ANO10: variants seen among roughly 807,000 people sequenced by gnomAD.
The protein encoded by ANO10 is anoctamin-10.
ANO10 carries 77 observed loss-of-function variants against 74.7 expected under a neutral mutation model. The ratio of observed to expected loss-of-function variants is 1.03; its 90% confidence interval spans 0.86 to 1.25. The LOEUF (loss-of-function observed/expected upper bound fraction) is 1.25. ANO10 is among the 50% of genes most tolerant of loss of function. ANO10 has a pLI of 0.00. For missense variants in ANO10, 721 were observed against 778.1 expected (o/e 0.93, Z 0.87); for synonymous variants, 279 against 284.9 (o/e 0.98, Z 0.21).
At chr3:43,589,934 T>C (rs1336650548) in intron 4 of ANO10, among the ~76,000 whole-genome samples, 2 of 152,338 alleles carry the variant, frequency 1.3e-5, no homozygotes, top group African/African-American at 4.8e-5. Flanking sequence ...CCCATTTGTC[T>C]GAACATGTCT....
At chr3:43,462,942 T>C (rs1376447659) in intron 11 of ANO10, among the ~76,000 whole-genome samples, 2 of 152,200 alleles carry the variant, frequency 1.3e-5, no homozygotes. Context: ...GTTGAGGCTG[T>C]GAGCACACAG....
At chr3:43,559,253 T>A (rs752882293) in intron 9 of ANO10, among the ~76,000 whole-genome samples, 1 of 152,122 alleles carries the variant, frequency 6.6e-6, no homozygotes, top group Non-Finnish European at 1.5e-5. Flanking sequence ...TAAATTAGAA[T>A]TGCTCAGATG....
At chr3:43,691,354 A>T in intron 1 of ANO10, 1 of 221,258 alleles carries the variant, frequency 4.5e-6, no homozygotes, top group Non-Finnish European at 8.8e-6. Context: ...CCGGCGACGG[A>T]GCTGGCCGCG....
At position 43,368,134 on chromosome 3, in the gene ANO10, G is replaced by A. The variant is rs551415163; in HGVS notation, c.1915-1160C>T. ...GAGCCTGGCCTGTCTCCCACAGGGCGGCTCATGATGGCTCCTGGAAGCTGA... is the reference window on the plus strand; with the variant it reads ...GAGCCTGGCCTGTCTCCCACAGGGCAGCTCATGATGGCTCCTGGAAGCTGA... On this transcript the variant is annotated intron_variant, in intron 12 of 12. Transcript: ENST00000292246. 1.6e-4 allele frequency among the ~76,000 whole-genome samples: 24 copies of A among 152,286 alleles called. No homozygotes were observed. In the East Asian group the frequency reaches 2.1e-3, roughly 13 times the overall value.
chr3:43,507,682 T>C (rs1175483801), intron 11 of ANO10, among the ~76,000 whole-genome samples: 1 of 152,000 alleles, frequency 6.6e-6, no homozygotes, highest in Non-Finnish European at 1.5e-5. Flanking sequence ...TAAATCCTGA[T>C]GGATGAGGGT....
intron 5 of ANO10, among the ~76,000 whole-genome samples, chr3:43,578,493 T>C (rs1271648486): frequency 2.0e-5 from 3 of 152,106 alleles, no homozygotes; most frequent in African/African-American, 7.2e-5. Flanking sequence ...CTCACACCTA[T>C]AATCCCAGCA....
chr3:43,615,487 CT>C (rs1337894444), intron 1 of ANO10, among the ~76,000 whole-genome samples: 1 of 151,828 alleles, frequency 6.6e-6, no homozygotes, highest in East Asian at 1.9e-4. Context: ...TTATTATTTA[CT>C]TTTTTTAATT....
At chr3:43,470,148 T>A (rs1308838396) in intron 11 of ANO10, among the ~76,000 whole-genome samples, 5 of 152,208 alleles carry the variant, frequency 3.3e-5, no homozygotes, top group Admixed American at 3.3e-4. Context: ...TATTACTCAG[T>A]GGTAAGAAGA....
intron 1 of ANO10, among the ~76,000 whole-genome samples, chr3:43,650,752 G>A (rs776224601): frequency 3.3e-5 from 5 of 152,140 alleles, no homozygotes; most frequent in Non-Finnish European, 7.3e-5. Context: ...CAGCTGCTGT[G>A]TTCTGTTTGT....
In ANO10 at chr3:43,663,278, C is replaced by T. The variant is rs574755771; in HGVS notation, c.-12+28239G>A. On this transcript the variant is annotated intron_variant, in intron 1 of 3. Coordinates refer to the ANO10 transcript ENST00000413397. ...AACGTAATCCATCACATAAACAGAACCAACAACAAAAACCACGATTATCTT... is the reference window on the plus strand; with the variant it reads ...AACGTAATCCATCACATAAACAGAATCAACAACAAAAACCACGATTATCTT... Among the ~76,000 whole-genome samples, 14 of 152,216 alleles carry T rather than the reference C, an allele frequency of 9.2e-5. No individual in the cohort carries two copies. The East Asian group carries it at 2.7e-3, about 29-fold the overall frequency.
chr3:43,643,036 C>CTT (rs537354306), intron 1 of ANO10, among the ~76,000 whole-genome samples: 82 of 142,864 alleles, frequency 5.7e-4, no homozygotes, highest in African/African-American at 2.0e-3. Flanking sequence ...TTTCTTTTTT[C>CTT]TTTTTTTTTT....
Position 43,366,670 on chromosome 3 carries a change from G to A in ANO10, c.*236C>T, listed in dbSNP as rs142565970. The A allele has an allele frequency of 1.0e-4, 61 of 588,030 alleles. No homozygotes were observed. Among genetic ancestry groups the A allele is most frequent in the Non-Finnish European group, 1.5e-4 (48 of 328,344 alleles). 36.4% of individuals were successfully genotyped at this position (588,030 alleles called of 1,614,324 possible). On this transcript the variant is annotated 3_prime_UTR_variant, in exon 13 of 13. Coordinates refer to ENST00000292246, the MANE Select transcript of ANO10 (RefSeq NM_018075.5). ...GCAGCTGGAGCAGCGTGTGGGGCCC[G>A]GGAAGGAACTGGGAAGGAGCAGACA...
At chr3:43,503,552 C>T (rs1396982763) in intron 11 of ANO10, among the ~76,000 whole-genome samples, 1 of 152,198 alleles carries the variant, frequency 6.6e-6, no homozygotes, top group African/African-American at 2.4e-5. Flanking sequence ...GAGAAGGGGG[C>T]AGAGCTAAGC....
intron 4 of ANO10, among the ~76,000 whole-genome samples, chr3:43,598,097 T>C (rs1292405628): frequency 6.6e-6 from 1 of 152,224 alleles, no homozygotes; most frequent in Non-Finnish European, 1.5e-5. Context: ...AGTATCTTCA[T>C]TAAAATGAAA....
intron 11 of ANO10, among the ~76,000 whole-genome samples, chr3:43,470,904 G>C (rs1362985528): frequency 1.3e-5 from 2 of 152,036 alleles, no homozygotes; most frequent in Non-Finnish European, 2.9e-5. Flanking sequence ...TGGGATTACA[G>C]GTGTGCACCA....
At chr3:43,495,556 G>A (rs1575261867) in intron 11 of ANO10, among the ~76,000 whole-genome samples, 1 of 152,118 alleles carries the variant, frequency 6.6e-6, no homozygotes, top group South Asian at 2.1e-4. Context: ...AGAAAAATGA[G>A]CTTAAGTCAT....
chr3:43,667,364 C>T (rs2084005137), intron 1 of ANO10, among the ~76,000 whole-genome samples: 1 of 152,094 alleles, frequency 6.6e-6, no homozygotes, highest in Non-Finnish European at 1.5e-5. Context: ...GCTGGGATTA[C>T]ACGCGTGGGC....
chr3:43,504,300 G>GTAGGCAGATAGA (rs71083075), intron 11 of ANO10, among the ~76,000 whole-genome samples: 2 of 139,724 alleles, frequency 1.4e-5, no homozygotes, highest in African/African-American at 5.3e-5. Flanking sequence ...AGGTAGGTAG[G>GTAGGCAGATAGA]TAGATAGATA....
chr3:43,496,371 C>A (rs2076914746), intron 11 of ANO10, among the ~76,000 whole-genome samples: 1 of 152,228 alleles, frequency 6.6e-6, no homozygotes, highest in Admixed American at 6.5e-5. Context: ...CCCTAGTGGT[C>A]TATTCCTAAG....
Sources: allele counts gnomAD v4.1 joint callset (sites outside exome capture counted in the v4.1 genomes callset), GRCh38; gene constraint gnomAD v4.1.1; transcripts MANE v1.5; gene names NCBI Gene and HGNC (gene_info 2026-07-23, HGNC 2026-07-21).